The following POLE4 variants were observed in gnomAD, a reference collection of about 807,000 sequenced individuals.
The protein encoded by POLE4 is DNA polymerase epsilon subunit 4.
Under a neutral mutation model 15.6 loss-of-function variants are expected in POLE4, and 15 were observed. That is an observed-to-expected ratio of 0.96 (90% confidence interval 0.64 to 1.48). The LOEUF (loss-of-function observed/expected upper bound fraction) is 1.48, where lower values mean the gene tolerates loss of function less well. Ranked by LOEUF, POLE4 falls within the 40% of genes most tolerant of loss-of-function variation. The pLI is 0.00. For missense variants in POLE4, 205 were observed against 151.9 expected, an observed-to-expected ratio of 1.35 and a Z score of -1.84; for synonymous variants, 83 against 63.2, an observed-to-expected ratio of 1.31 and a Z score of -1.49.
At chr2:74,958,992 G>T (rs1385893569) in intron 1 of POLE4, 100 bp downstream of exon 1, 11 of 1,149,910 alleles carry the variant, frequency 9.6e-6, no homozygotes, top group Non-Finnish European at 1.2e-5. Context: ...GCGTGGCCCG[G>T]GTTTTGAGAT....
intron 3 of POLE4, 132 bp from the exon 4 acceptor site, chr2:74,969,277 C>G (rs1050325962): frequency 1.2e-6 from 1 of 816,992 alleles, no homozygotes; most frequent in Non-Finnish European, 2.2e-6. Context: ...GGATCATCCT[C>G]AAAATTAGTA....
intron 3 of POLE4, among the ~76,000 whole-genome samples, chr2:74,962,802 G>A (rs1671241938): frequency 6.6e-6 from 1 of 151,884 alleles, no homozygotes; most frequent in South Asian, 2.1e-4. Context: ...AACTTTTTTG[G>A]TAATTACTTC....
chr2:74,965,045 G>A (rs1197423247), intron 3 of POLE4, among the ~76,000 whole-genome samples: 1 of 149,804 alleles, frequency 6.7e-6, no homozygotes, highest in African/African-American at 2.5e-5. Flanking sequence ...TTCATACTGT[G>A]TGTGAGCTTC....
chr2:74,960,760 T>C (rs536490388), intron 3 of POLE4, among the ~76,000 whole-genome samples: 17 of 152,364 alleles, frequency 1.1e-4, no homozygotes, highest in African/African-American at 4.1e-4. Flanking sequence ...GTAATAACTT[T>C]TTGGTCAGCC....
chr2:74,969,155 A>G (rs1207205844), intron 3 of POLE4, among the ~76,000 whole-genome samples: 1 of 152,036 alleles, frequency 6.6e-6, no homozygotes, highest in East Asian at 1.9e-4. Context: ...AACTAACACA[A>G]CGACTTCTTA....
At chr2:74,959,752 C>T in intron 2 of POLE4, 2 of 426,588 alleles carry the variant, frequency 4.7e-6, no homozygotes, top group Non-Finnish European at 8.4e-6. Context: ...GGAACCCTCA[C>T]CTGGGTAAGA....
intron 2 of POLE4, 76 bp downstream of exon 2, chr2:74,959,501 C>T (rs762701978): frequency 1.4e-5 from 13 of 926,210 alleles, no homozygotes; most frequent in African/African-American, 4.9e-5. Context: ...GTTGAGAAGA[C>T]GTCACTCTGA....
At position 74,963,243 on chromosome 2, in the gene POLE4, G is replaced by A. The variant is rs78979302; in HGVS notation, c.340+3097G>A. Among the ~76,000 whole-genome samples the A allele has an allele frequency of 4.2e-3, 638 of 152,314 alleles. 10 individuals are homozygous for A. The highest frequency in any genetic ancestry group is 0.015 in the African/African-American group (617 of 41,564). On this transcript the variant is annotated intron_variant, in intron 3 of 3. Transcript: ENST00000483063. Reference sequence around the variant, plus strand: ...ATTCCAATTCACGTTCCTACCAGCAGTGCATGATAATTCCCATTGCTTCTC... The same window carrying A: ...ATTCCAATTCACGTTCCTACCAGCAATGCATGATAATTCCCATTGCTTCTC...
At chr2:74,964,384 G>C (rs972071855) in intron 3 of POLE4, among the ~76,000 whole-genome samples, 2 of 152,092 alleles carry the variant, frequency 1.3e-5, no homozygotes, top group African/African-American at 4.8e-5. Flanking sequence ...AATTGGGATT[G>C]TATTGAATTT....
intron 1 of POLE4, 139 bp downstream of exon 1, chr2:74,959,031 A>C (rs1324541793): frequency 1.3e-6 from 1 of 757,848 alleles, no homozygotes; most frequent in African/African-American, 1.8e-5. Flanking sequence ...GGCGGAGGAA[A>C]GGGGCCGGGG....
At chr2:74,968,712 C>T (rs990490545) in intron 3 of POLE4, among the ~76,000 whole-genome samples, 3 of 150,952 alleles carry the variant, frequency 2.0e-5, no homozygotes, top group African/African-American at 7.3e-5. Flanking sequence ...ATAGGGGCAA[C>T]TGTTTGTCAT....
In POLE4 at chr2:74,958,850, G is replaced by C; in HGVS notation, c.171G>C (p.Thr57=). 7 of 1,561,674 alleles carry C rather than the reference G, an allele frequency of 4.5e-6. No homozygotes were observed. The highest frequency in any genetic ancestry group is 6.1e-6 in the Non-Finnish European group (7 of 1,153,000). ...TGGTGAAGGCAGATCCCGACGTGAC[G>C]CTAGCGGGACAGGAAGCCATCTTCA... ...KALVKADPDV[T]LAGQEAIFIL... The change falls in exon 1 of 4, where the codon ACG becomes ACC. Residue 57 remains threonine, a synonymous_variant. Transcript: ENST00000483063.
At position 74,965,563 on chromosome 2, in the gene POLE4, T is replaced by C. The variant is rs549822249; in HGVS notation, c.341-3846T>C. Among the ~76,000 whole-genome samples the C allele has an allele frequency of 2.0e-5, 3 of 152,334 alleles. No homozygotes were observed. In the South Asian group the frequency reaches 6.2e-4, roughly 32 times the overall value. ...GTGTTCTTACTGAATTTCTTCTGTC[T>C]GCTTATTTTACCTGTTTCAAAGAGT... On this transcript the variant is annotated intron_variant, in intron 3 of 3. Coordinates refer to ENST00000483063, the MANE Select transcript of POLE4 (RefSeq NM_019896.4).
Position 74,958,720 on chromosome 2 carries a change from A to AGGAGGAGGGACCTGCTGG in POLE4, c.47_64dup (p.Glu16_Glu21dup). 2 of 1,497,854 alleles carry AGGAGGAGGGACCTGCTGG rather than the reference A, an allele frequency of 1.3e-6. No homozygotes were observed. Among genetic ancestry groups the AGGAGGAGGGACCTGCTGG allele is most frequent in the Non-Finnish European group, 1.8e-6 (2 of 1,126,084 alleles). The allele number at this position is 1,497,854 out of a possible 1,614,324, so 92.8% of individuals were successfully genotyped here. On this transcript the variant is annotated inframe_insertion, in exon 1 of 4. Transcript: ENST00000483063. ...GCGGCAGGAAGCGGGACGCCCCGAG[A>AGGAGGAGGGACCTGCTGG]GGAGGAGGGACCTGCTGGGGAGGCA... is the stretch of plus-strand genomic sequence containing the variant.
At chr2:74,959,638 T>C (rs1266114683) in intron 2 of POLE4, 21 of 517,974 alleles carry the variant, frequency 4.1e-5, no homozygotes, top group Non-Finnish European at 7.3e-5. Flanking sequence ...GGGGTTGCCG[T>C]AGCGGACTGG....
At chr2:74,967,912 C>T (rs780367052) in intron 3 of POLE4, among the ~76,000 whole-genome samples, 5 of 146,048 alleles carry the variant, frequency 3.4e-5, no homozygotes, top group Non-Finnish European at 6.1e-5. Flanking sequence ...AATTCCAGTT[C>T]GTCCTTACTC....
chr2:74,962,080 G>C (rs1435694520), intron 3 of POLE4, among the ~76,000 whole-genome samples: 1 of 152,164 alleles, frequency 6.6e-6, no homozygotes, highest in African/African-American at 2.4e-5. Flanking sequence ...TGGTTTGTCA[G>C]CTGTAGACGG....
intron 3 of POLE4, among the ~76,000 whole-genome samples, chr2:74,967,331 T>A (rs1671311155): frequency 6.6e-6 from 1 of 152,040 alleles, no homozygotes; most frequent in Non-Finnish European, 1.5e-5. Context: ...TTGTTTTTTT[T>A]TTTTAGTTTC....
At position 74,958,813 on chromosome 2, in the gene POLE4, G is replaced by T. The variant is rs1300901545; in HGVS notation, c.134G>T (p.Arg45Leu). Residue 45 changes from arginine (R) to leucine (L), a missense_variant, in exon 1 of 4, where the codon CGA (arginine) becomes CTA (leucine). Coordinates refer to ENST00000483063, the MANE Select transcript of POLE4 (RefSeq NM_019896.4). ...GARLSRLPLA[R>L]VKALVKADPD... ...CGTCTCTCGAGGTTGCCTCTGGCGCGAGTGAAGGCCTTGGTGAAGGCAGAT... is the reference window on the plus strand; with the variant it reads ...CGTCTCTCGAGGTTGCCTCTGGCGCTAGTGAAGGCCTTGGTGAAGGCAGAT... The T allele has an allele frequency of 6.4e-7, 1 of 1,556,700 alleles. No homozygotes were observed. Among genetic ancestry groups the T allele is most frequent in the Non-Finnish European group, 8.7e-7 (1 of 1,150,198 alleles).
Sources: allele counts gnomAD v4.1 joint callset (sites outside exome capture counted in the v4.1 genomes callset), GRCh38; gene constraint gnomAD v4.1.1; transcripts MANE v1.5; gene names NCBI Gene and HGNC (gene_info 2026-07-23, HGNC 2026-07-21).